Variants in ZSCAN18 observed in about 807,000 individuals in gnomAD.
ZSCAN18 encodes zinc finger and SCAN domain containing 18.
Under a neutral mutation model 31.1 loss-of-function variants are expected in ZSCAN18, and 16 were observed. That is an observed-to-expected ratio of 0.51 (90% CI 0.35 to 0.78). The LOEUF (loss-of-function observed/expected upper bound fraction) is 0.78. Ranked by LOEUF, ZSCAN18 falls within the 30% of genes least tolerant of loss-of-function variation. The pLI is 0.01. For missense variants in ZSCAN18, 731 were observed against 697.4 expected (o/e 1.05, Z -0.54); for synonymous variants, 375 against 320.7 (o/e 1.17, Z -1.81).
chr19:58,118,185 G>T, intron 1 of ZSCAN18: 3 of 658,494 alleles, frequency 4.6e-6, no homozygotes, highest in Non-Finnish European at 7.2e-6. Context: ...CCAGAGCAGG[G>T]CTGCCGCGTA....
intron 1 of ZSCAN18, chr19:58,108,290 G>T: frequency 1.0e-6 from 1 of 985,460 alleles, no homozygotes; most frequent in Non-Finnish European, 1.2e-6. Context: ...TTCTCAGATG[G>T]ACAATAAGGT....
At chr19:58,098,286 A>C (rs1185965323), upstream of ZSCAN18, 7 of 985,272 alleles carry the variant, frequency 7.1e-6, no homozygotes, top group Non-Finnish European at 8.4e-6. Flanking sequence ...GACTCCCACA[A>C]TGCCGCGAGG....
At chr19:58,092,950 T>A (rs995479015) in intron 1 of ZSCAN18, among the ~76,000 whole-genome samples, 2 of 151,886 alleles carry the variant, frequency 1.3e-5, no homozygotes, top group Non-Finnish European at 2.9e-5. Context: ...AATTTTTAAT[T>A]TGTTTTGTAG....
At position 58,098,182 on chromosome 19, in the gene ZSCAN18, C is replaced by A. The variant is rs1027925108; in HGVS notation, c.-128G>T. On this transcript the variant is annotated 5_prime_UTR_variant, in exon 1 of 7. Coordinates refer to ENST00000601144, the MANE Select transcript of ZSCAN18 (RefSeq NM_001145543.2). ...CCCCGGGACCGACCCACCTGCTGCG[C>A]AGCTACCCCAGGCCGGTCCCAGCCG... The A allele has an allele frequency of 2.1e-5, 21 of 985,440 alleles. No individual in the cohort carries two copies. Among genetic ancestry groups the A allele is most frequent in the Non-Finnish European group, 2.5e-5 (21 of 830,044 alleles). The allele number at this position is 985,440 out of a possible 1,614,324, so 61.0% of individuals were successfully genotyped here.
intron 1 of ZSCAN18, among the ~76,000 whole-genome samples, chr19:58,105,759 T>TA (rs2074629868): frequency 6.6e-6 from 1 of 152,110 alleles, no homozygotes; most frequent in Non-Finnish European, 1.5e-5. Flanking sequence ...GCAGGTGGAT[T>TA]ACTTGAGCTT....
chr19:58,086,329 T>C (rs1347181009), intron 5 of ZSCAN18, 63 bp from the exon 6 acceptor site: 7 of 1,508,662 alleles, frequency 4.6e-6, no homozygotes, highest in East Asian at 2.3e-5. Context: ...ATGGGTGTTG[T>C]GTGTCGTGGG....
chr19:58,097,568 C>A (rs572789395), intron 1 of ZSCAN18, among the ~76,000 whole-genome samples: 1 of 145,118 alleles, frequency 6.9e-6, no homozygotes, highest in African/African-American at 2.4e-5. Flanking sequence ...ATTCTAGGCA[C>A]CCCTTTGGTC....
At chr19:58,102,035 A>G (rs1005022326), upstream of ZSCAN18, among the ~76,000 whole-genome samples, 11 of 152,114 alleles carry the variant, frequency 7.2e-5, no homozygotes, top group Admixed American at 2.6e-4. Context: ...TTTATAAATA[A>G]AAGCCTCAAA....
intron 1 of ZSCAN18, among the ~76,000 whole-genome samples, chr19:58,114,080 C>T (rs777930560): frequency 1.3e-5 from 2 of 151,736 alleles, no homozygotes; most frequent in South Asian, 2.1e-4. Flanking sequence ...CCAGCCTGGC[C>T]AACATAGTGA....
intron 1 of ZSCAN18, chr19:58,107,837 C>T (rs567205945): frequency 7.9e-6 from 8 of 1,016,724 alleles, no homozygotes; most frequent in Non-Finnish European, 9.5e-6. Flanking sequence ...ACTAGACACA[C>T]TGGCACAAGG....
At chr19:58,103,304 T>G (rs1419771272) in intron 1 of ZSCAN18, among the ~76,000 whole-genome samples, 1 of 152,202 alleles carries the variant, frequency 6.6e-6, no homozygotes, top group Non-Finnish European at 1.5e-5. Flanking sequence ...TTCTTGCACT[T>G]TGCTTAATTA....
chr19:58,094,008 A>G (rs1015228599), intron 1 of ZSCAN18, among the ~76,000 whole-genome samples: 13 of 151,226 alleles, frequency 8.6e-5, no homozygotes, highest in Non-Finnish European at 1.8e-4. Flanking sequence ...CAAGTGATCC[A>G]CCCGCCTCGG....
chr19:58,086,385 A>AC (rs1451705002), intron 5 of ZSCAN18, 119 bp from the exon 6 acceptor site: 17 of 848,290 alleles, frequency 2.0e-5, no homozygotes, highest in Non-Finnish European at 7.3e-6. Flanking sequence ...CTGTACTGGG[A>AC]CCCCCACCAA....
upstream of ZSCAN18, among the ~76,000 whole-genome samples, chr19:58,101,125 CTT>C (rs71188077): frequency 4.8e-3 from 606 of 127,296 alleles, 8 homozygotes; most frequent in South Asian, 0.035. Context: ...ATTCCTCCCA[CTT>C]TTTTTTTTTT....
upstream of ZSCAN18, among the ~76,000 whole-genome samples, chr19:58,100,829 C>T (rs1326334149): frequency 2.6e-5 from 4 of 151,434 alleles, no homozygotes; most frequent in Admixed American, 6.6e-5. Flanking sequence ...GAGTTGAGAT[C>T]GCACCACTGC....
chr19:58,105,457 C>G (rs541270129), intron 1 of ZSCAN18, among the ~76,000 whole-genome samples: 1 of 151,756 alleles, frequency 6.6e-6, no homozygotes, highest in Non-Finnish European at 1.5e-5. Flanking sequence ...GTCAGGAGAT[C>G]GAGACCATCC....
intron 5 of ZSCAN18, 27 bp from the exon 6 acceptor site, chr19:58,086,293 T>C: frequency 6.2e-7 from 1 of 1,607,412 alleles, no homozygotes; most frequent in East Asian, 2.2e-5. Context: ...ACCAAAGAAA[T>C]AAAAGGCATC....
intron 5 of ZSCAN18, 98 bp downstream of exon 5, chr19:58,086,808 G>C: frequency 1.2e-6 from 1 of 846,774 alleles, no homozygotes; most frequent in South Asian, 1.6e-5. Context: ...AGACATCACA[G>C]TGTCCCAGCC....
Position 58,085,245 on chromosome 19 carries a change from C to T in ZSCAN18, c.973G>A (p.Glu325Lys), listed in dbSNP as rs781092722. The T allele has an allele frequency of 6.2e-7, 1 of 1,606,802 alleles. No homozygotes were observed. Among genetic ancestry groups the T allele is most frequent in the Middle Eastern group, 1.7e-4 (1 of 6,044 alleles). The change falls in exon 7 of 7, where the codon GAG becomes AAG. Residue 325 changes from glutamate to lysine, a missense_variant. Physicochemically the swap from Glu to Lys is moderately conservative, Grantham distance 56. Transcript: ENST00000601144. Reference sequence around the variant, plus strand: ...GGGGCCTTCCCAGGCTGCTCTTCCTCCTCCTCAGTGGTGCCCGACGGGGGA... The same window carrying T: ...GGGGCCTTCCCAGGCTGCTCTTCCTTCTCCTCAGTGGTGCCCGACGGGGGA... ...ADPPSGTTEE[E>K]EEQPGKAPDP...
Sources: gnomAD v4.1 joint callset for allele counts (sites outside exome capture counted in the v4.1 genomes callset) on GRCh38, gnomAD v4.1.1 for gene constraint, MANE v1.5 for transcripts, NCBI Gene and HGNC (gene_info 2026-07-23, HGNC 2026-07-21) for gene names.